The following SHANK2 variants were observed in gnomAD, a reference collection of about 807,000 sequenced individuals.
SHANK2 encodes the protein SH3 and multiple ankyrin repeat domains 2.
A neutral mutation model predicts 133.7 loss-of-function variants in SHANK2; 43 were observed. That is an observed-to-expected ratio of 0.32 (90% CI 0.25 to 0.41). SHANK2 has a LOEUF of 0.41. SHANK2 is among the 10% of genes least tolerant of loss of function. The pLI is 1.00. For synonymous variants in SHANK2, 1,017 were observed against 952.8 expected (o/e 1.07, Z -1.24); for missense variants, 1,994 against 2,235.8 (o/e 0.89, Z 2.18).
intron 14 of SHANK2, among the ~76,000 whole-genome samples, chr11:70,790,693 T>C (rs1312713019): frequency 2.6e-5 from 4 of 152,222 alleles, no homozygotes; most frequent in Non-Finnish European, 5.9e-5. Flanking sequence ...ACATACGCTC[T>C]ATCTGTATCT....
intron 14 of SHANK2, among the ~76,000 whole-genome samples, chr11:70,732,595 G>A (rs1470920764): frequency 9.9e-5 from 15 of 152,072 alleles, no homozygotes; most frequent in Admixed American, 2.0e-4. Context: ...AGCTACAGCC[G>A]CGCTGCCCTT....
intron 10 of SHANK2, among the ~76,000 whole-genome samples, chr11:70,916,505 G>A (rs1950270977): frequency 1.3e-5 from 2 of 152,146 alleles, no homozygotes; most frequent in African/African-American, 2.4e-5. Context: ...GTGTGTGCGT[G>A]TACACACACA....
chr11:70,488,287 TG>T (rs1385412737), intron 24 of SHANK2, among the ~76,000 whole-genome samples: 3 of 152,172 alleles, frequency 2.0e-5, no homozygotes, highest in Admixed American at 2.0e-4. Context: ...TGTGTTTATG[TG>T]GCAAGGATGG....
intron 10 of SHANK2, among the ~76,000 whole-genome samples, chr11:70,947,939 CTG>C (rs1193273613): frequency 6.6e-6 from 1 of 152,226 alleles, no homozygotes. Context: ...ACGTGGCCCT[CTG>C]TGGTCTCATT....
chr11:70,652,845 T>C, intron 17 of SHANK2, among the ~76,000 whole-genome samples: 1 of 152,182 alleles, frequency 6.6e-6, no homozygotes, highest in East Asian at 1.9e-4. Context: ...AGCCCTGTGC[T>C]CAGCGCCTCT....
chr11:70,818,288 CACAT>C (rs540711351), intron 12 of SHANK2, among the ~76,000 whole-genome samples: 37 of 152,318 alleles, frequency 2.4e-4, no homozygotes, highest in African/African-American at 7.5e-4. Context: ...AAAATGCATG[CACAT>C]ACATACACAG....
chr11:70,896,286 CA>C (rs1465346944), intron 11 of SHANK2: 1 of 460,074 alleles, frequency 2.2e-6, no homozygotes, highest in Non-Finnish European at 3.8e-6. Flanking sequence ...ATGTTTCAGA[CA>C]GCCTAACCTC....
chr11:70,656,837 C>G (rs1230363910), intron 17 of SHANK2, among the ~76,000 whole-genome samples: 1 of 152,094 alleles, frequency 6.6e-6, no homozygotes. Context: ...AACCAAGGAA[C>G]AAAAACAACA....
intron 10 of SHANK2, among the ~76,000 whole-genome samples, chr11:70,899,830 G>T (rs1565393271): frequency 6.6e-6 from 1 of 152,240 alleles, no homozygotes; most frequent in Non-Finnish European, 1.5e-5. Flanking sequence ...AATGCCTGAG[G>T]TGATACTGGC....
At chr11:70,509,507 G>A (rs1460058353) in intron 17 of SHANK2, among the ~76,000 whole-genome samples, 1 of 152,228 alleles carries the variant, frequency 6.6e-6, no homozygotes, top group African/African-American at 2.4e-5. Flanking sequence ...CGGCCAGCTG[G>A]CATGTAGCTC....
At chr11:70,853,844 C>T (rs545346091) in intron 11 of SHANK2, among the ~76,000 whole-genome samples, 25 of 152,300 alleles carry the variant, frequency 1.6e-4, no homozygotes, top group African/African-American at 3.4e-4. Context: ...TCTCTGCCTT[C>T]GTCTGTGTGT....
intron 10 of SHANK2, among the ~76,000 whole-genome samples, chr11:70,955,021 G>A (rs1555087475): frequency 6.6e-6 from 1 of 152,220 alleles, no homozygotes; most frequent in East Asian, 1.9e-4. Context: ...CAAGCACAGT[G>A]TCATTCATCA....
intron 17 of SHANK2, among the ~76,000 whole-genome samples, chr11:70,534,535 C>A (rs1411763470): frequency 6.6e-6 from 1 of 152,206 alleles, no homozygotes; most frequent in East Asian, 1.9e-4. Flanking sequence ...CATTCACAGA[C>A]AGAAGCCACC....
chr11:70,533,318 G>A (rs577433762), intron 17 of SHANK2, among the ~76,000 whole-genome samples: 2 of 152,166 alleles, frequency 1.3e-5, no homozygotes, highest in Non-Finnish European at 1.5e-5. Flanking sequence ...TCAAACTCCC[G>A]GGCTAAACCG....
chr11:70,888,274 A>G (rs1949778456), intron 11 of SHANK2, among the ~76,000 whole-genome samples: 1 of 152,156 alleles, frequency 6.6e-6, no homozygotes, highest in Non-Finnish European at 1.5e-5. Flanking sequence ...CCCACGATCT[A>G]AAGCAGAAAT....
At chr11:70,873,920 T>C (rs1315612869) in intron 11 of SHANK2, among the ~76,000 whole-genome samples, 1 of 152,132 alleles carries the variant, frequency 6.6e-6, no homozygotes. Context: ...CGGGCGTCAG[T>C]GACAGGAACA....
intron 17 of SHANK2, among the ~76,000 whole-genome samples, chr11:70,515,282 G>A (rs2059249878): frequency 6.6e-6 from 1 of 152,148 alleles, no homozygotes; most frequent in Non-Finnish European, 1.5e-5. Context: ...CAAGTGATCT[G>A]CCCACCTTGG....
At chr11:70,518,172 GC>G (rs1221388405) in intron 17 of SHANK2, among the ~76,000 whole-genome samples, 11 of 152,158 alleles carry the variant, frequency 7.2e-5, no homozygotes, top group Non-Finnish European at 1.5e-4. Context: ...CACCCACCCA[GC>G]CCCTGGGGCG....
At chr11:70,831,376 A>G (rs749241219) in intron 11 of SHANK2, among the ~76,000 whole-genome samples, 24 of 152,150 alleles carry the variant, frequency 1.6e-4, no homozygotes, top group Non-Finnish European at 2.6e-4. Flanking sequence ...TCACCCCCAA[A>G]TGAACCCCAA....
Sources: gnomAD v4.1 joint callset for allele counts (sites outside exome capture counted in the v4.1 genomes callset) on GRCh38, gnomAD v4.1.1 for gene constraint, MANE v1.5 for transcripts, NCBI Gene and HGNC (gene_info 2026-07-23, HGNC 2026-07-21) for gene names.